GARNL3: variants seen among roughly 807,000 people sequenced by gnomAD.
The protein encoded by GARNL3 is GTPase-activating Rap/Ran-GAP domain-like protein 3.
Under a neutral mutation model 125.0 loss-of-function variants are expected in GARNL3, and 63 were observed. The observed-to-expected ratio is 0.50, with a 90% CI of 0.41 to 0.62. The LOEUF is 0.62. Among genes scored for constraint, GARNL3 ranks in the 20% least tolerant of loss-of-function variants. The pLI is 0.00. For missense variants in GARNL3, 994 were observed against 1,244.0 expected, an observed-to-expected ratio of 0.80 and a Z score of 3.02; for synonymous variants, 439 against 457.5, an observed-to-expected ratio of 0.96 and a Z score of 0.52.
chr9:127,387,395 G>T, intron 25 of GARNL3, 64 bp downstream of exon 25: 3 of 1,420,920 alleles, frequency 2.1e-6, no homozygotes, highest in Non-Finnish European at 2.9e-6. Context: ...CTAGTTTGTT[G>T]TCTAATATCT....
At position 127,348,042 on chromosome 9, in the gene GARNL3, C is replaced by T. The variant is rs191405899; in HGVS notation, c.1432-882C>T. Among the ~76,000 whole-genome samples, 15 of 152,270 alleles carry T rather than the reference C, an allele frequency of 9.9e-5. No homozygotes were observed. The East Asian group carries it at 2.3e-3, about 24-fold the overall frequency. On this transcript the variant is annotated intron_variant, in intron 16 of 27. Transcript: ENST00000373387. Reference sequence around the variant, plus strand: ...TTTGCTTGGGTACTTAAGAACACACCTACATGTGCACATGCAGGCTCTACT... The same window carrying T: ...TTTGCTTGGGTACTTAAGAACACACTTACATGTGCACATGCAGGCTCTACT...
chr9:127,351,995 G>A (rs1352350157), intron 17 of GARNL3, among the ~76,000 whole-genome samples: 1 of 152,206 alleles, frequency 6.6e-6, no homozygotes, highest in African/African-American at 2.4e-5. Flanking sequence ...GAGATTAAGT[G>A]CTAATTCACT....
chr9:127,344,357 A>G lies in GARNL3; in HGVS notation c.1356+18A>G. 6.5e-7 allele frequency: 1 copy of G among 1,540,296 alleles called. No homozygotes were observed. The highest frequency in any genetic ancestry group is 1.7e-5 in the Admixed American group (1 of 59,724). Reference sequence around the variant, plus strand: ...TAGGGCAGGTGGGTTTTCTTCTGAAACCTTTTCTGCGAGACATGTAGTTTT... The same window carrying G: ...TAGGGCAGGTGGGTTTTCTTCTGAAGCCTTTTCTGCGAGACATGTAGTTTT... On this transcript the variant is annotated intron_variant, in intron 15 of 27. Transcript: ENST00000373387.
Position 127,389,054 on chromosome 9 carries a change from A to G in GARNL3, c.2678A>G (p.His893Arg), listed in dbSNP as rs1463421748. 6.2e-7 allele frequency: 1 copy of G among 1,613,840 alleles called. No homozygotes were observed. The highest frequency in any genetic ancestry group is 1.7e-5 in the Admixed American group (1 of 59,988). The part of the protein sequence containing the change: ...SVGLAAIPVT[H>R]SLSLSRMEIK... ...GGCCTTGCTGCCATTCCAGTCACGC[A>G]CTCCTTGTCCCTGTCTCGCATGGAG... The change falls in exon 26 of 28, where the codon CAC becomes CGC. Residue 893 changes from histidine to arginine, a missense_variant. Coordinates refer to ENST00000373387, the MANE Select transcript of GARNL3 (RefSeq NM_032293.5).
At chr9:127,335,089 G>A (rs570484055) in intron 9 of GARNL3, 141 bp from the exon 10 acceptor site, 9 of 632,660 alleles carry the variant, frequency 1.4e-5, no homozygotes, top group Admixed American at 2.5e-5. Flanking sequence ...CAAGTGGAGG[G>A]TTGTTGCTTC....
At chr9:127,356,460 A>G (rs915833016) in intron 20 of GARNL3, 2 of 152,236 alleles carry the variant, frequency 1.3e-5, no homozygotes, top group Non-Finnish European at 2.9e-5. Context: ...GAATATATCT[A>G]GCATTGGCCA....
intron 1 of GARNL3, among the ~76,000 whole-genome samples, chr9:127,237,909 G>A (rs1336783129): frequency 6.6e-6 from 1 of 152,196 alleles, no homozygotes. Flanking sequence ...TCAAGCCCGG[G>A]TTGATGTTTT....
rs185208184 is a variant in GARNL3, at chr9:127,246,459, C to A, written c.143+3210C>A. Among the ~76,000 whole-genome samples the A allele has an allele frequency of 3.4e-4, 51 of 152,126 alleles. 1 individual carries two copies. Among genetic ancestry groups the A allele is most frequent in the Non-Finnish European group, 1.8e-4 (12 of 67,988 alleles). On this transcript the variant is annotated intron_variant, in intron 2 of 10. Transcript: ENST00000439286. ...TGGTGTTGTCATTAATAAGAGGGCACTGAGATGAGAAAGCACAAAATATAA... is the reference window on the plus strand; with the variant it reads ...TGGTGTTGTCATTAATAAGAGGGCAATGAGATGAGAAAGCACAAAATATAA...
At chr9:127,301,479 C>T (rs901923808) in intron 2 of GARNL3, among the ~76,000 whole-genome samples, 1 of 152,180 alleles carries the variant, frequency 6.6e-6, no homozygotes, top group Middle Eastern at 3.2e-3. Flanking sequence ...TCAGCTCTAC[C>T]ACTCTCTAGT....
intron 1 of GARNL3, among the ~76,000 whole-genome samples, chr9:127,239,157 G>A (rs940018411): frequency 6.6e-6 from 1 of 152,228 alleles, no homozygotes; most frequent in Non-Finnish European, 1.5e-5. Flanking sequence ...CTGTGGGTCA[G>A]TGTGATTTCC....
At chr9:127,254,380 C>T (rs1417639016) in intron 2 of GARNL3, among the ~76,000 whole-genome samples, 1 of 152,164 alleles carries the variant, frequency 6.6e-6, no homozygotes, top group African/African-American at 2.4e-5. Flanking sequence ...AAAACTTATG[C>T]ATGATCAAAG....
intron 1 of GARNL3, among the ~76,000 whole-genome samples, chr9:127,234,281 GT>G (rs1205513579): frequency 6.6e-6 from 1 of 152,136 alleles, no homozygotes; most frequent in African/African-American, 2.4e-5. Context: ...ACTCAAATTA[GT>G]TTTGCTTTAG....
At chr9:127,228,083 T>C (rs893446372) in intron 1 of GARNL3, among the ~76,000 whole-genome samples, 21 of 152,252 alleles carry the variant, frequency 1.4e-4, no homozygotes, top group Non-Finnish European at 2.1e-4. Flanking sequence ...ATGTTTTAAC[T>C]TGCTTTTCCA....
At chr9:127,227,825 C>G (rs2062940812) in intron 1 of GARNL3, among the ~76,000 whole-genome samples, 1 of 151,176 alleles carries the variant, frequency 6.6e-6, no homozygotes, top group Admixed American at 6.6e-5. Context: ...GAGGCTGAGT[C>G]AGGAGGATCA....
At position 127,355,335 on chromosome 9, in the gene GARNL3, G is replaced by C; in HGVS notation, c.1798G>C (p.Glu600Gln). The C allele has an allele frequency of 3.7e-6, 6 of 1,614,180 alleles. No individual in the cohort carries two copies. Among genetic ancestry groups the C allele is most frequent in the Non-Finnish European group, 3.4e-6 (4 of 1,180,006 alleles). Reference protein sequence around the residue: ...LYAINTHHSRELRIVVAIRNK... With the variant: ...LYAINTHHSRQLRIVVAIRNK... The stretch of plus-strand genomic sequence containing the variant: ...TGCTATTAACACTCACCACAGCAGA[G>C]AGCTGAGGATTGTGGTTGCAATTCG... The change falls in exon 20 of 28, where the codon GAG (glutamate) becomes CAG (glutamine). Residue 600 changes from glutamate to glutamine, a missense_variant. By Grantham distance (29) the Glu-to-Gln change is conservative. Around this residue, in one of 5 missense-constraint regions of GARNL3, gnomAD observed 728 missense variants for 865.7 expected, o/e 0.84. Coordinates refer to ENST00000373387, the MANE Select transcript of GARNL3 (RefSeq NM_032293.5).
chr9:127,247,373 G>T (rs1160677962), intron 2 of GARNL3, among the ~76,000 whole-genome samples: 1 of 152,248 alleles, frequency 6.6e-6, no homozygotes, highest in East Asian at 1.9e-4. Context: ...CTAAGAAAAG[G>T]GACGGATCTG....
In GARNL3 at chr9:127,344,024, C is replaced by T. The variant is rs112411630; in HGVS notation, c.1252-211C>T. Among the ~76,000 whole-genome samples, 148 of 152,220 alleles carry T rather than the reference C, an allele frequency of 9.7e-4. 1 individual carries two copies. Among genetic ancestry groups the T allele is most frequent in the African/African-American group, 3.4e-3 (143 of 41,528 alleles). On this transcript the variant is annotated intron_variant, in intron 14 of 27. Transcript: ENST00000373387. ...ATTTCAAAGCCGTGTCCTCAGCCCC[C>T]ATGCAATGCTGGCTCTCCACCTAGT...
Position 127,349,009 on chromosome 9 carries a change from C to T in GARNL3, c.1517C>T (p.Thr506Ile), listed in dbSNP as rs1830290008. Residue 506 changes from threonine to isoleucine, a missense_variant, in exon 17 of 28, where the codon ACT becomes ATT. This residue lies in a region of GARNL3 where 728 missense variants were observed against 865.7 expected (regional missense o/e 0.84). Transcript: ENST00000373387. The stretch of plus-strand genomic sequence containing the variant: ...TGGGGCCAGGCCTTGCTGGTTTCCA[C>T]TGATGCTGGCGTCTTGCTAGTGGAT... ...DPWGQALLVS[T>I]DAGVLLVDDD... 2 of 1,613,720 alleles carry T rather than the reference C, an allele frequency of 1.2e-6. No individual in the cohort carries two copies. The highest frequency in any genetic ancestry group is 1.7e-6 in the Non-Finnish European group (2 of 1,179,646).
In GARNL3 at chr9:127,239,832, CA is replaced by C. The variant is rs573090309; in HGVS notation, c.-28-3240del. Among the ~76,000 whole-genome samples the C allele has an allele frequency of 6.0e-5, 9 of 151,102 alleles. No homozygotes were observed. In the East Asian group the frequency reaches 1.7e-3, roughly 29 times the overall value. ...GAAGTCAGAGAATTTGATGAAAGTG[CA>C]AAAAAAGAACTCTAAGAGTAACGAT... On this transcript the variant is annotated intron_variant, in intron 1 of 10. Transcript: ENST00000439286.
Sources: gnomAD v4.1 joint callset for allele counts (sites outside exome capture counted in the v4.1 genomes callset) on GRCh38, gnomAD v4.1.1 for gene constraint, gnomAD v4.1.1 regional missense constraint, MANE v1.5 for transcripts, NCBI Gene and HGNC (gene_info 2026-07-23, HGNC 2026-07-21) for gene names.